Variants in COIL observed in about 807,000 individuals in gnomAD.
COIL encodes coilin.
Under a neutral mutation model 51.6 loss-of-function variants are expected in COIL, and 28 were observed. The ratio of observed to expected loss-of-function variants is 0.54; its 90% CI spans 0.40 to 0.74. The LOEUF is 0.74. COIL is among the 30% of genes least tolerant of loss of function. The probability of loss-of-function intolerance (pLI) is 0.00; values close to 1 mark genes in which losing one functional copy is unlikely to be tolerated. For synonymous variants in COIL, 233 were observed against 255.8 expected, an observed-to-expected ratio of 0.91 and a Z score of 0.85; for missense variants, 667 against 685.9, an observed-to-expected ratio of 0.97 and a Z score of 0.31.
intron 1 of COIL, among the ~76,000 whole-genome samples, chr17:56,955,454 T>C (rs1910465610): frequency 6.6e-6 from 1 of 152,222 alleles, no homozygotes; most frequent in African/African-American, 2.4e-5. Flanking sequence ...ATTTACTGTC[T>C]AGGATTCTGT....
At chr17:56,944,022 C>A (rs1452338868) in intron 5 of COIL, among the ~76,000 whole-genome samples, 2 of 151,522 alleles carry the variant, frequency 1.3e-5, no homozygotes, top group Non-Finnish European at 2.9e-5. Context: ...TGTACCACCA[C>A]ACTCAGCTAT....
chr17:56,941,904 C>T lies in COIL; in HGVS notation c.1647+131G>A, dbSNP rs1227210070. On this transcript the variant is annotated intron_variant, in intron 6 of 6. Transcript: ENST00000240316. ...GCCAAGATGGCGCCCTGATTTGGCA[C>T]TGGTATTGCCACACCATAAGAAGGT... 7 of 699,584 alleles carry T rather than the reference C, an allele frequency of 1.0e-5. No individual in the cohort carries two copies. The East Asian group carries it at 1.3e-4, about 13-fold the overall frequency. The allele number at this position is 699,584 out of a possible 1,614,324, so 43.3% of individuals were successfully genotyped here.
At chr17:56,955,286 G>T (rs561473880) in intron 1 of COIL, among the ~76,000 whole-genome samples, 1 of 152,222 alleles carries the variant, frequency 6.6e-6, no homozygotes, top group African/African-American at 2.4e-5. Flanking sequence ...GGCTGGTCTC[G>T]AACTGACCTC....
intron 1 of COIL, among the ~76,000 whole-genome samples, chr17:56,955,001 T>C (rs56278736): frequency 0.1 from 15,429 of 152,208 alleles, 982 homozygotes; most frequent in Admixed American, 0.15. Context: ...CATTTGTCCT[T>C]TCACAAGTAG....
intron 2 of COIL, 47 bp downstream of exon 2, chr17:56,949,842 A>G (rs767871526): frequency 6.2e-6 from 10 of 1,610,896 alleles, no homozygotes; most frequent in Non-Finnish European, 8.5e-6. Context: ...CTCCACACAC[A>G]TTCTAAGGGG....
At chr17:56,951,792 ATTTTTCTTTTCTTTTTTTTTT>A (rs1022323075) in intron 1 of COIL, 1 of 146,682 alleles carries the variant, frequency 6.8e-6, no homozygotes, top group African/African-American at 2.5e-5. Flanking sequence ...TTTTATTTTT[ATTTTTCTTTTCTTTTTTTTTT>A]TTTGAGACGG....
At position 56,950,062 on chromosome 17, in the gene COIL, C is replaced by T. The variant is rs533115965; in HGVS notation, c.1180G>A (p.Gly394Arg). Reference protein sequence around the residue: ...SVSLPASLGRGWGREENLFSW... With the variant: ...SVSLPASLGRRWGREENLFSW... The stretch of plus-strand genomic sequence containing the variant: ...AAAAGGTTCTCTTCTCTACCCCATC[C>T]TCTTCCTAAACTAGCAGGGAGAGAC... Residue 394 changes from glycine (G) to arginine (R), a missense_variant, in exon 2 of 7, where the codon GGA becomes AGA. By Grantham distance (125) the Gly-to-Arg change is moderately radical. Transcript: ENST00000240316. 5.0e-5 allele frequency: 80 copies of T among 1,614,150 alleles called. No homozygotes were observed. In the East Asian group the frequency reaches 1.4e-3, roughly 29 times the overall value.
chr17:56,952,672 A>G (rs1910395625), intron 1 of COIL, among the ~76,000 whole-genome samples: 1 of 152,166 alleles, frequency 6.6e-6, no homozygotes, highest in South Asian at 2.1e-4. Flanking sequence ...AACTTGAACT[A>G]GAAATATACC....
rs768379581 is a variant in COIL, at chr17:56,950,099, A to G, written c.1143T>C (p.Ala381=). The G allele has an allele frequency of 2.1e-5, 34 of 1,614,136 alleles. No homozygotes were observed. The highest frequency in any genetic ancestry group is 2.7e-5 in the Non-Finnish European group (32 of 1,180,004). Residue 381 remains alanine, a synonymous_variant, in exon 2 of 7, where the codon GCT becomes GCC. Transcript: ENST00000240316. The part of the protein sequence containing the change: ...GSNGGGQAPG[A]SPSVSLPASL... ...TAGCAGGGAGAGACACACTGGGAGA[A>G]GCACCAGGAGCCTGTCCACCACCAT...
At chr17:56,949,805 T>A in intron 2 of COIL, 38 bp from the exon 3 acceptor site, 1 of 1,610,740 alleles carries the variant, frequency 6.2e-7, no homozygotes, top group Non-Finnish European at 8.5e-7. Context: ...TCATCACTGG[T>A]GAGAAAATGT....
chr17:56,959,752 C>A (rs72842337), intron 1 of COIL, among the ~76,000 whole-genome samples: 5,407 of 152,328 alleles, frequency 0.035, 125 homozygotes, highest in Admixed American at 0.061. Context: ...AAGGCCGGGT[C>A]TCCGGCACAT....
intron 1 of COIL, among the ~76,000 whole-genome samples, chr17:56,955,226 G>A (rs1261947272): frequency 6.6e-6 from 1 of 152,096 alleles, no homozygotes; most frequent in African/African-American, 2.4e-5. Context: ...CACCACGCCT[G>A]GCTAACTTTT....
intron 1 of COIL, among the ~76,000 whole-genome samples, chr17:56,953,673 G>C (rs1003695602): frequency 4.6e-5 from 7 of 152,128 alleles, no homozygotes; most frequent in African/African-American, 1.7e-4. Context: ...AATGATAGGA[G>C]CATATGTGAC....
At chr17:56,954,970 T>C (rs1396391916) in intron 1 of COIL, among the ~76,000 whole-genome samples, 1 of 152,216 alleles carries the variant, frequency 6.6e-6, no homozygotes, top group Non-Finnish European at 1.5e-5. Flanking sequence ...AGAGCTATCC[T>C]TTTACAAACA....
chr17:56,957,763 G>A (rs1425325368), intron 1 of COIL, among the ~76,000 whole-genome samples: 1 of 152,314 alleles, frequency 6.6e-6, no homozygotes, highest in East Asian at 1.9e-4. Flanking sequence ...GTGGTATTTT[G>A]TTATAGCAGC....
intron 6 of COIL, among the ~76,000 whole-genome samples, chr17:56,941,463 C>T (rs1360259648): frequency 6.6e-6 from 1 of 152,072 alleles, no homozygotes; most frequent in Admixed American, 6.6e-5. Context: ...CTAGCTACTC[C>T]AGAGGCTGAG....
At chr17:56,940,846 A>G (rs969237676) in intron 6 of COIL, among the ~76,000 whole-genome samples, 1 of 152,152 alleles carries the variant, frequency 6.6e-6, no homozygotes, top group Non-Finnish European at 1.5e-5. Flanking sequence ...TTAAAAAGGT[A>G]TAAATCGGCC....
chr17:56,945,228 C>T (rs888062703), intron 5 of COIL, among the ~76,000 whole-genome samples: 11 of 151,878 alleles, frequency 7.2e-5, no homozygotes, highest in African/African-American at 2.7e-4. Context: ...GTCCCAACTA[C>T]TCTGCAAGCT....
intron 1 of COIL, among the ~76,000 whole-genome samples, chr17:56,958,219 A>G (rs1443359208): frequency 6.6e-6 from 1 of 152,204 alleles, no homozygotes; most frequent in Non-Finnish European, 1.5e-5. Context: ...TGCACTTACC[A>G]TATAACTTGG....
Sources: allele counts gnomAD v4.1 joint callset (sites outside exome capture counted in the v4.1 genomes callset), GRCh38; gene constraint gnomAD v4.1.1; transcripts MANE v1.5; gene names NCBI Gene and HGNC (gene_info 2026-07-23, HGNC 2026-07-21).